GLCE: variants seen among roughly 807,000 people sequenced by gnomAD.
GLCE encodes D-glucuronyl C5-epimerase.
In GLCE, 19 loss-of-function variants were observed where a neutral mutation model predicts 47.9. That is an observed-to-expected ratio of 0.40 (90% confidence interval 0.28 to 0.58). The LOEUF (loss-of-function observed/expected upper bound fraction) is 0.58, where lower values mean the gene tolerates loss of function less well. Among genes scored for constraint, GLCE ranks in the 20% least tolerant of loss-of-function variants. GLCE has a pLI of 0.48. For missense variants in GLCE, 556 were observed against 743.3 expected (o/e 0.75, Z 2.93); for synonymous variants, 245 against 263.4 (o/e 0.93, Z 0.68).
intron 2 of GLCE, among the ~76,000 whole-genome samples, chr15:69,248,959 T>C (rs2052796494): frequency 6.6e-6 from 1 of 152,186 alleles, no homozygotes; most frequent in South Asian, 2.1e-4. Flanking sequence ...CCAGCCCTCA[T>C]GGAATTTGCA....
At position 69,268,202 on chromosome 15, in the gene GLCE, G is replaced by A; in HGVS notation, c.830-18G>A. On this transcript the variant is annotated intron_variant, in intron 4 of 4. Transcript: ENST00000261858. The stretch of plus-strand genomic sequence containing the variant: ...CTTTTATTCTAACCAGTCTTTGTTG[G>A]TATATTCTCCCCTACAGAAACCAGT... 6.6e-7 allele frequency: 1 copy of A among 1,512,550 alleles called. No homozygotes were observed. The highest frequency in any genetic ancestry group is 8.9e-7 in the Non-Finnish European group (1 of 1,117,630). 93.7% of individuals were successfully genotyped at this position (1,512,550 alleles called of 1,614,324 possible).
At chr15:69,195,787 C>G (rs1032792935) in intron 1 of GLCE, among the ~76,000 whole-genome samples, 1 of 152,062 alleles carries the variant, frequency 6.6e-6, no homozygotes, top group Non-Finnish European at 1.5e-5. Flanking sequence ...TATTAAATTA[C>G]TCCCCTATAT....
intron 1 of GLCE, among the ~76,000 whole-genome samples, chr15:69,162,086 A>G (rs2051432800): frequency 6.6e-6 from 1 of 152,176 alleles, no homozygotes; most frequent in Non-Finnish European, 1.5e-5. Context: ...GGATAACGTC[A>G]AATTCAGCCT....
At chr15:69,193,940 A>G (rs908888294) in intron 1 of GLCE, among the ~76,000 whole-genome samples, 23 of 152,042 alleles carry the variant, frequency 1.5e-4, no homozygotes, top group East Asian at 1.2e-3. Flanking sequence ...CTGACCATCT[A>G]TTTTTTTGGA....
chr15:69,251,841 A>G (rs754506171), intron 2 of GLCE, among the ~76,000 whole-genome samples: 10 of 152,194 alleles, frequency 6.6e-5, no homozygotes, highest in African/African-American at 1.2e-4. Flanking sequence ...TCTTTTTGCC[A>G]TGATGTTATA....
chr15:69,219,607 T>G (rs1232011168), intron 2 of GLCE, among the ~76,000 whole-genome samples: 1 of 152,170 alleles, frequency 6.6e-6, no homozygotes, highest in Non-Finnish European at 1.5e-5. Context: ...GGACAAGTCA[T>G]TAAACTCTAG....
rs77561391 is a variant in GLCE, at chr15:69,260,066, T to G, written c.587-1021T>G. 5.1e-3 allele frequency among the ~76,000 whole-genome samples: 778 copies of G among 152,206 alleles called. 23 individuals carry two copies. In the East Asian group the frequency reaches 0.059, roughly 12 times the overall value. On this transcript the variant is annotated intron_variant, in intron 3 of 4. Transcript: ENST00000261858. ...TAAGAAAAACACTAATACCAAACAT[T>G]TAAAAGTTGTACTTAGAACTTTACA...
intron 2 of GLCE, among the ~76,000 whole-genome samples, chr15:69,241,467 A>G (rs1423784853): frequency 6.6e-6 from 1 of 152,218 alleles, no homozygotes; most frequent in East Asian, 1.9e-4. Flanking sequence ...CTAACTCTTG[A>G]ATCACTGCTT....
At chr15:69,197,406 A>G (rs1423854284) in intron 1 of GLCE, 2 of 203,466 alleles carry the variant, frequency 9.8e-6, no homozygotes, top group Non-Finnish European at 2.1e-5. Context: ...ATTGGCAAAA[A>G]TGTGTTGATT....
chr15:69,203,144 G>GTA (rs2140365887), intron 1 of GLCE, among the ~76,000 whole-genome samples: 1 of 152,212 alleles, frequency 6.6e-6, no homozygotes, highest in African/African-American at 2.4e-5. Context: ...GGCCAGTAAG[G>GTA]TAAAGCATCC....
chr15:69,214,620 C>G (rs979977070), intron 2 of GLCE, among the ~76,000 whole-genome samples: 4 of 152,150 alleles, frequency 2.6e-5, no homozygotes, highest in Non-Finnish European at 4.4e-5. Flanking sequence ...TATACCAACT[C>G]ACATACATAC....
intron 2 of GLCE, among the ~76,000 whole-genome samples, chr15:69,245,782 G>T (rs930763418): frequency 6.6e-6 from 1 of 152,106 alleles, no homozygotes; most frequent in African/African-American, 2.4e-5. Flanking sequence ...AGGCTGGAGT[G>T]CAGGGGCACC....
At chr15:69,236,593 A>G (rs894377327) in intron 2 of GLCE, among the ~76,000 whole-genome samples, 4 of 152,186 alleles carry the variant, frequency 2.6e-5, no homozygotes, top group African/African-American at 9.7e-5. Context: ...GAGATTTTGG[A>G]CAAGTTGAGA....
At chr15:69,244,216 TG>T (rs2052716304) in intron 2 of GLCE, among the ~76,000 whole-genome samples, 1 of 152,226 alleles carries the variant, frequency 6.6e-6, no homozygotes, top group Non-Finnish European at 1.5e-5. Flanking sequence ...CTAAGCCACC[TG>T]GGGACCAGGT....
At chr15:69,183,580 A>G (rs1007367719) in intron 1 of GLCE, among the ~76,000 whole-genome samples, 1 of 152,238 alleles carries the variant, frequency 6.6e-6, no homozygotes, top group Non-Finnish European at 1.5e-5. Flanking sequence ...ATAGTCAATC[A>G]CTAATCAATG....
Position 69,255,812 on chromosome 15 carries a change from T to C in GLCE, c.6T>C (p.Arg2=). Residue 2 remains arginine, a synonymous_variant, in exon 3 of 5, where the codon CGT becomes CGC. Transcript: ENST00000261858. M[R]CLAARVNYKT... ...TCCATAGGTATGGTCTGAATATGCG[T>C]TGCTTGGCAGCTCGGGTCAACTATA... The C allele has an allele frequency of 6.2e-7, 1 of 1,608,112 alleles. No individual in the cohort carries two copies. Among genetic ancestry groups the C allele is most frequent in the African/African-American group, 1.3e-5 (1 of 74,918 alleles).
At position 69,201,434 on chromosome 15, in the gene GLCE, A is replaced by G. The variant is rs114327571; in HGVS notation, c.-104-8882A>G. Among the ~76,000 whole-genome samples the G allele has an allele frequency of 7.0e-3, 1,059 of 152,060 alleles. 13 individuals are homozygous for G. The highest frequency in any genetic ancestry group is 0.024 in the African/African-American group (988 of 41,482). ...TAGTAGGCACTGGGGCTATTGTGGT[A>G]AACAAGACAGACATAGTATCTGCCC... On this transcript the variant is annotated intron_variant, in intron 1 of 4. Coordinates refer to ENST00000261858, the MANE Select transcript of GLCE (RefSeq NM_015554.3).
At chr15:69,208,269 T>A (rs552224209) in intron 1 of GLCE, among the ~76,000 whole-genome samples, 1 of 152,218 alleles carries the variant, frequency 6.6e-6, no homozygotes, top group South Asian at 2.1e-4. Flanking sequence ...GTACAAGTTT[T>A]ACAGTTTTAT....
chr15:69,271,642 A>G lies in GLCE; in HGVS notation c.*2398A>G, dbSNP rs2053168454. ...ATTTCTTTAAGTTTTTCTTTGCTTT[A>G]AGATTATAGGTATTAGGTTTGTTTT... is the stretch of plus-strand genomic sequence containing the variant. On this transcript the variant is annotated 3_prime_UTR_variant, in exon 5 of 5. Coordinates refer to ENST00000261858, the MANE Select transcript of GLCE (RefSeq NM_015554.3). 6.6e-6 allele frequency: 1 copy of G among 152,406 alleles called. No homozygotes were observed. Among genetic ancestry groups the G allele is most frequent in the Admixed American group, 6.6e-5 (1 of 15,266 alleles). The allele number at this position is 152,406 out of a possible 1,614,324, so 9.4% of individuals were successfully genotyped here. A position where few individuals can be genotyped will look rare whatever the true frequency, so the allele number is the denominator to read the frequency against.
Sources: allele counts gnomAD v4.1 joint callset (sites outside exome capture counted in the v4.1 genomes callset), GRCh38; gene constraint gnomAD v4.1.1; transcripts MANE v1.5; gene names NCBI Gene and HGNC (gene_info 2026-07-23, HGNC 2026-07-21).